Variants in LRRC38 observed in about 807,000 individuals in gnomAD.
LRRC38 encodes leucine rich repeat containing 38.
A neutral mutation model predicts 16.4 loss-of-function variants in LRRC38; 5 were observed. The observed-to-expected ratio is 0.31, with a 90% CI of 0.16 to 0.64. The LOEUF is 0.64. Among genes scored for constraint, LRRC38 ranks in the 30% least tolerant of loss-of-function variants. The pLI is 0.80. For missense variants in LRRC38, 341 were observed against 401.8 expected (o/e 0.85, Z 1.29); for synonymous variants, 191 against 190.2 (o/e 1.00, Z -0.04).
rs3056092 is a variant in LRRC38 at position 13,512,939 on chromosome 1, C to CTCCT, written c.631+23_631+24insAGGA. ...TCTCCCTGCCCCCCTCCCTCCCTCC[C>CTCCT]CCAGCCTAGCCGGCTCGGCTCACCT... On this transcript the variant is annotated intron_variant, in intron 1 of 1. Transcript: ENST00000376085. 2.0e-6 allele frequency: 3 copies of CTCCT among 1,524,978 alleles called. 1 individual carries two copies. The South Asian group carries it at 3.6e-5, about 19-fold the overall frequency. The allele number at this position is 1,524,978 out of a possible 1,614,324, so 94.5% of individuals were successfully genotyped here.
chr1:13,507,263 G>C (rs1238726644), intron 1 of LRRC38, among the ~76,000 whole-genome samples: 1 of 152,286 alleles, frequency 6.6e-6, no homozygotes, highest in East Asian at 1.9e-4. Flanking sequence ...TGGTGAGAAA[G>C]GTGACACCCC....
chr1:13,493,551 T>C (rs1639043412), intron 1 of LRRC38, among the ~76,000 whole-genome samples: 1 of 152,116 alleles, frequency 6.6e-6, no homozygotes, highest in Non-Finnish European at 1.5e-5. Context: ...GCCGATGTGA[T>C]TAGATAAAGG....
rs769154464 is a variant in LRRC38, at chr1:13,476,397, C to T, written c.632-298G>A. On this transcript the variant is annotated intron_variant, in intron 1 of 1. Coordinates refer to ENST00000376085, the MANE Select transcript of LRRC38 (RefSeq NM_001010847.2). ...TTGCCTAGGCAACATGGCGTGATCT[C>T]GGCTCACTGCAGCCTCTACCTCCCG... Among the ~76,000 whole-genome samples, 7 of 152,038 alleles carry T rather than the reference C, an allele frequency of 4.6e-5. No homozygotes were observed. The South Asian group carries it at 6.2e-4, about 14-fold the overall frequency.
intron 1 of LRRC38, among the ~76,000 whole-genome samples, chr1:13,483,277 G>A (rs181249715): frequency 1.4e-3 from 213 of 152,136 alleles, no homozygotes; most frequent in African/African-American, 4.5e-3. Flanking sequence ...TCAGCCTCCC[G>A]AGTAACTGGG....
At chr1:13,476,503 A>G (rs1638791388) in intron 1 of LRRC38, among the ~76,000 whole-genome samples, 1 of 152,082 alleles carries the variant, frequency 6.6e-6, no homozygotes, top group Non-Finnish European at 1.5e-5. Context: ...TAATTTTAGT[A>G]TTTTTAGTAG....
intron 1 of LRRC38, among the ~76,000 whole-genome samples, chr1:13,482,271 C>T (rs1638878737): frequency 6.6e-6 from 1 of 151,950 alleles, no homozygotes; most frequent in South Asian, 2.1e-4. Context: ...AAAGAGGACA[C>T]TTAAAGGACA....
Position 13,481,172 on chromosome 1 carries a change from C to T in LRRC38, c.632-5073G>A, listed in dbSNP as rs1165550669. On this transcript the variant is annotated intron_variant, in intron 1 of 1. Coordinates refer to ENST00000376085, the MANE Select transcript of LRRC38 (RefSeq NM_001010847.2). ...GGAGTCTCACTCTGGAGGGCAGTGG[C>T]GCGATCTCGACTCACCACAACCTCT... Among the ~76,000 whole-genome samples the T allele has an allele frequency of 3.9e-5, 6 of 152,008 alleles. No homozygotes were observed. The South Asian group carries it at 6.2e-4, about 16-fold the overall frequency.
chr1:13,481,617 C>G (rs2999889), intron 1 of LRRC38, among the ~76,000 whole-genome samples: 96,995 of 151,416 alleles, frequency 0.64, 31,495 homozygotes, highest in Middle Eastern at 0.79. Flanking sequence ...GGATTGTCTC[C>G]ACCTCCTGAC....
intron 1 of LRRC38, among the ~76,000 whole-genome samples, chr1:13,504,209 G>A (rs1442305405): frequency 6.7e-6 from 1 of 149,790 alleles, no homozygotes; most frequent in Non-Finnish European, 1.5e-5. Flanking sequence ...GAGGTCAAAG[G>A]AGAGATGCTA....
intron 1 of LRRC38, among the ~76,000 whole-genome samples, chr1:13,500,143 T>C (rs1639129554): frequency 2.6e-5 from 4 of 151,514 alleles, no homozygotes; most frequent in African/African-American, 9.7e-5. Flanking sequence ...TAATCCCAGC[T>C]ACTTGGGAGG....
In LRRC38 at chr1:13,513,694, A is replaced by C. The variant is rs1639305000; in HGVS notation, c.-101T>G. 1.2e-6 allele frequency: 1 copy of C among 807,474 alleles called. No individual in the cohort carries two copies. Among genetic ancestry groups the C allele is most frequent in the Non-Finnish European group, 1.5e-6 (1 of 665,410 alleles). 50.0% of individuals were successfully genotyped at this position (807,474 alleles called of 1,614,324 possible). ...GAGGCACTGGCTGCCGGGCGCGGGG[A>C]GCCAGAGGGCGGCCCGGGCGGGGAG... On this transcript the variant is annotated 5_prime_UTR_variant, in exon 1 of 2. Coordinates refer to ENST00000376085, the MANE Select transcript of LRRC38 (RefSeq NM_001010847.2).
intron 1 of LRRC38, among the ~76,000 whole-genome samples, chr1:13,493,124 T>C (rs1639036960): frequency 6.6e-6 from 1 of 152,202 alleles, no homozygotes; most frequent in Admixed American, 6.5e-5. Flanking sequence ...AATTTACCAA[T>C]ACAAGCAATT....
At chr1:13,479,584 T>A (rs1638827290) in intron 1 of LRRC38, among the ~76,000 whole-genome samples, 1 of 152,232 alleles carries the variant, frequency 6.6e-6, no homozygotes, top group South Asian at 2.1e-4. Flanking sequence ...CATTTCTCCG[T>A]GGCTAGAAGA....
At position 13,488,364 on chromosome 1, in the gene LRRC38, T is replaced by C. The variant is rs111407499; in HGVS notation, c.632-12265A>G. ...TCGGCTCACTGCAACCTCCGCCTCC[T>C]GGGTTCAAGCAATTCTCCCGCCTCA... On this transcript the variant is annotated intron_variant, in intron 1 of 1. Transcript: ENST00000376085. Among the ~76,000 whole-genome samples the C allele has an allele frequency of 6.3e-3, 943 of 150,418 alleles. 18 individuals carry two copies. Among genetic ancestry groups the C allele is most frequent in the South Asian group, 0.03 (142 of 4,732 alleles).
Position 13,480,869 on chromosome 1 carries a change from GCTGGTCTGGAA to G in LRRC38, c.632-4781_632-4771del, listed in dbSNP as rs577563807. ...CACGAGAACAGACTAATACACCCAGGCTGGTCTGGAACTGCTGTCCTCAAGCAATCCTCCCA... is the reference window on the plus strand; with the variant it reads ...CACGAGAACAGACTAATACACCCAGGCTGCTGTCCTCAAGCAATCCTCCCA... On this transcript the variant is annotated intron_variant, in intron 1 of 1. Coordinates refer to ENST00000376085, the MANE Select transcript of LRRC38 (RefSeq NM_001010847.2). Among the ~76,000 whole-genome samples the G allele has an allele frequency of 1.0e-3, 158 of 152,244 alleles. 1 individual carries two copies. Among genetic ancestry groups the G allele is most frequent in the African/African-American group, 3.7e-3 (154 of 41,528 alleles).
At chr1:13,505,482 C>T (rs182479856) in intron 1 of LRRC38, among the ~76,000 whole-genome samples, 5 of 152,320 alleles carry the variant, frequency 3.3e-5, no homozygotes, top group Non-Finnish European at 7.3e-5. Flanking sequence ...GATTTGGGCC[C>T]GTCCCTGGAT....
intron 1 of LRRC38, among the ~76,000 whole-genome samples, chr1:13,479,687 A>G (rs891161335): frequency 9.2e-5 from 14 of 152,202 alleles, no homozygotes. Flanking sequence ...GATAAGATCC[A>G]CTGACTTGAT....
chr1:13,505,473 A>G (rs1557504844), intron 1 of LRRC38, among the ~76,000 whole-genome samples: 1 of 152,128 alleles, frequency 6.6e-6, no homozygotes. Flanking sequence ...AAGGCCAGTG[A>G]TTTGGGCCCG....
chr1:13,477,636 G>A lies in LRRC38; in HGVS notation c.632-1537C>T, dbSNP rs141957352. On this transcript the variant is annotated intron_variant, in intron 1 of 1. Coordinates refer to ENST00000376085, the MANE Select transcript of LRRC38 (RefSeq NM_001010847.2). ...GAGACTTACTTGAGCTCAGGAGTTC[G>A]AGACCAGCCTGGGCAACATAGCAAG... Among the ~76,000 whole-genome samples the A allele has an allele frequency of 3.5e-3, 534 of 152,148 alleles. 2 individuals are homozygous for A. The highest frequency in any genetic ancestry group is 0.012 in the African/African-American group (494 of 41,510).
Sources: gnomAD v4.1 joint callset for allele counts (sites outside exome capture counted in the v4.1 genomes callset) on GRCh38, gnomAD v4.1.1 for gene constraint, MANE v1.5 for transcripts, NCBI Gene and HGNC (gene_info 2026-07-23, HGNC 2026-07-21) for gene names.